Variants in NSMCE2 observed in about 807,000 individuals in gnomAD.
NSMCE2 encodes NSE2 SUMO ligase component of SMC5/6 complex, also known as E3 SUMO-protein ligase NSE2.
A neutral mutation model predicts 23.8 loss-of-function variants in NSMCE2; 24 were observed. The ratio of observed to expected loss-of-function variants is 1.01; its 90% CI spans 0.73 to 1.42. NSMCE2 has a LOEUF of 1.42. NSMCE2 is among the 40% of genes most tolerant of loss of function. The pLI, the probability that NSMCE2 is intolerant of heterozygous loss-of-function variation, is 0.00. For synonymous variants in NSMCE2, 92 were observed against 94.1 expected, an observed-to-expected ratio of 0.98 and a Z score of 0.13; for missense variants, 284 against 296.5, an observed-to-expected ratio of 0.96 and a Z score of 0.31.
chr8:125,164,818 C>G (rs1356397600), intron 4 of NSMCE2, among the ~76,000 whole-genome samples: 1 of 152,080 alleles, frequency 6.6e-6, no homozygotes, highest in East Asian at 1.9e-4. Context: ...ATATTCAGTT[C>G]TTACCATAAT....
chr8:125,151,197 G>A lies in NSMCE2; in HGVS notation c.184G>A (p.Asp62Asn). ...TGAAGTGAGTAGTGAATATAGTATGGACAAGGCAATGGTTGAATTTGCTAC... is the reference window on the plus strand; with the variant it reads ...TGAAGTGAGTAGTGAATATAGTATGAACAAGGCAATGGTTGAATTTGCTAC... ...QTEVSSEYSMDKAMVEFATLD... is the reference protein window; with the variant it reads ...QTEVSSEYSMNKAMVEFATLD... Residue 62 changes from aspartate (D) to asparagine (N), a missense_variant, in exon 4 of 8, where the codon GAC (aspartate) becomes AAC (asparagine). Asp to Asn is a conservative substitution (Grantham distance 23). This residue lies in a region of NSMCE2 where 182 missense variants were observed against 155.5 expected (regional missense o/e 1.17). Coordinates refer to ENST00000287437, the MANE Select transcript of NSMCE2 (RefSeq NM_173685.4). The A allele has an allele frequency of 2.5e-6, 4 of 1,605,310 alleles. No individual in the cohort carries two copies. Among genetic ancestry groups the A allele is most frequent in the Non-Finnish European group, 3.4e-6 (4 of 1,172,970 alleles).
intron 3 of NSMCE2, among the ~76,000 whole-genome samples, chr8:125,121,678 T>G (rs1190918928): frequency 1.3e-5 from 2 of 152,176 alleles, no homozygotes; most frequent in East Asian, 3.9e-4. Flanking sequence ...AGACTCTAAT[T>G]TAATAGGCAA....
At chr8:125,230,227 C>G (rs914689148) in intron 5 of NSMCE2, among the ~76,000 whole-genome samples, 1 of 152,192 alleles carries the variant, frequency 6.6e-6, no homozygotes, top group Non-Finnish European at 1.5e-5. Context: ...ACAAAAGGCT[C>G]ATGCTTTTCA....
Position 125,171,917 on chromosome 8 carries a change from A to T in NSMCE2, c.265-10186A>T, listed in dbSNP as rs187384626. 2.2e-4 allele frequency among the ~76,000 whole-genome samples: 33 copies of T among 152,326 alleles called. 1 individual carries two copies. Among genetic ancestry groups the T allele is most frequent in the Admixed American group, 2.0e-3 (30 of 15,304 alleles). ...TAGCCACATGCAGAGAGAGCTCTTG[A>T]GCACTTGGCAGTGTGACCGAGGAAC... On this transcript the variant is annotated intron_variant, in intron 4 of 7. Coordinates refer to ENST00000287437, the MANE Select transcript of NSMCE2 (RefSeq NM_173685.4).
At chr8:125,259,697 G>A (rs1826603508) in intron 5 of NSMCE2, among the ~76,000 whole-genome samples, 1 of 152,192 alleles carries the variant, frequency 6.6e-6, no homozygotes, top group South Asian at 2.1e-4. Flanking sequence ...AAATTTAACA[G>A]TAGTAATCAT....
chr8:125,285,032 A>T (rs1827840817), intron 5 of NSMCE2, among the ~76,000 whole-genome samples: 1 of 152,234 alleles, frequency 6.6e-6, no homozygotes, highest in Admixed American at 6.5e-5. Context: ...CATGAAAAGG[A>T]TTCTAAATAT....
intron 5 of NSMCE2, among the ~76,000 whole-genome samples, chr8:125,200,510 C>A (rs1037333853): frequency 1.3e-5 from 2 of 152,228 alleles, no homozygotes; most frequent in Non-Finnish European, 2.9e-5. Context: ...CCCCCACTCT[C>A]TTCTGGCTTG....
intron 5 of NSMCE2, among the ~76,000 whole-genome samples, chr8:125,312,703 G>A (rs1006788229): frequency 6.6e-6 from 1 of 152,166 alleles, no homozygotes; most frequent in African/African-American, 2.4e-5. Context: ...AGACTGAGGT[G>A]GTAGAAAGCA....
chr8:125,234,764 T>C (rs539339198), intron 5 of NSMCE2, among the ~76,000 whole-genome samples: 11 of 152,316 alleles, frequency 7.2e-5, no homozygotes, highest in African/African-American at 1.2e-4. Flanking sequence ...TCTCTCTCAA[T>C]GTAAACTTGG....
chr8:125,093,710 G>A (rs1488941545), intron 1 of NSMCE2, among the ~76,000 whole-genome samples: 4 of 152,012 alleles, frequency 2.6e-5, no homozygotes, highest in Admixed American at 6.5e-5. Context: ...GCGACAGAGC[G>A]AAACTCTGTC....
At chr8:125,359,490 C>T (rs1179937900) in intron 7 of NSMCE2, among the ~76,000 whole-genome samples, 1 of 151,868 alleles carries the variant, frequency 6.6e-6, no homozygotes, top group Non-Finnish European at 1.5e-5. Flanking sequence ...TGCACCACCA[C>T]GCCCAGCTAA....
chr8:125,330,841 C>G (rs1829848103), intron 5 of NSMCE2, among the ~76,000 whole-genome samples: 1 of 152,138 alleles, frequency 6.6e-6, no homozygotes, highest in South Asian at 2.1e-4. Flanking sequence ...CCCCAGCTGT[C>G]AAGTGTGGGG....
At chr8:125,109,979 C>T (rs1384948358) in intron 3 of NSMCE2, among the ~76,000 whole-genome samples, 1 of 151,970 alleles carries the variant, frequency 6.6e-6, no homozygotes, top group Non-Finnish European at 1.5e-5. Flanking sequence ...ATGTACTTTT[C>T]TGCCATCTTA....
chr8:125,359,850 G>T (rs1371695153), intron 7 of NSMCE2, among the ~76,000 whole-genome samples: 1 of 152,136 alleles, frequency 6.6e-6, no homozygotes, highest in Admixed American at 6.5e-5. Flanking sequence ...AGGCATGGGA[G>T]ACGAGGACAG....
chr8:125,359,998 A>C (rs1255736514), intron 7 of NSMCE2, among the ~76,000 whole-genome samples: 1 of 152,224 alleles, frequency 6.6e-6, no homozygotes, highest in Non-Finnish European at 1.5e-5. Context: ...AGAAAATTAG[A>C]GTATAGAGAT....
At chr8:125,226,257 C>T (rs563269072) in intron 5 of NSMCE2, among the ~76,000 whole-genome samples, 2 of 151,366 alleles carry the variant, frequency 1.3e-5, no homozygotes, top group African/African-American at 2.4e-5. Flanking sequence ...TGTAGATTTG[C>T]TTTTAAACAT....
At chr8:125,181,699 C>T (rs1406838063) in intron 4 of NSMCE2, among the ~76,000 whole-genome samples, 2 of 146,518 alleles carry the variant, frequency 1.4e-5, no homozygotes, top group African/African-American at 5.3e-5. Flanking sequence ...GGGTGGAGGG[C>T]CAAAAAAAAA....
intron 3 of NSMCE2, among the ~76,000 whole-genome samples, chr8:125,121,809 A>AT (rs1458348222): frequency 6.6e-6 from 1 of 152,212 alleles, no homozygotes; most frequent in Non-Finnish European, 1.5e-5. Flanking sequence ...CATTACCATT[A>AT]TACATATGAG....
intron 5 of NSMCE2, among the ~76,000 whole-genome samples, chr8:125,309,293 A>G (rs1422143954): frequency 6.6e-6 from 1 of 151,880 alleles, no homozygotes; most frequent in Non-Finnish European, 1.5e-5. Flanking sequence ...GAAACCACAG[A>G]GTATACTTAC....
Sources: gnomAD v4.1 joint callset for allele counts (sites outside exome capture counted in the v4.1 genomes callset) on GRCh38, gnomAD v4.1.1 for gene constraint, gnomAD v4.1.1 regional missense constraint, MANE v1.5 for transcripts, NCBI Gene and HGNC (gene_info 2026-07-23, HGNC 2026-07-21) for gene names.